Variants in PTPRK observed in about 807,000 individuals in gnomAD.
PTPRK encodes the protein receptor-type tyrosine-protein phosphatase kappa.
PTPRK carries 75 observed loss-of-function variants against 178.0 expected under a neutral mutation model. That is an observed-to-expected ratio of 0.42 (90% CI 0.35 to 0.51). The LOEUF is 0.51. PTPRK is among the 20% of genes least tolerant of loss of function. The pLI, the probability that PTPRK is intolerant of heterozygous loss-of-function variation, is 0.02. For missense variants in PTPRK, 1,441 were observed against 1,797.8 expected (o/e 0.80, Z 3.59); for synonymous variants, 637 against 620.6 (o/e 1.03, Z -0.39).
intron 1 of PTPRK, among the ~76,000 whole-genome samples, chr6:128,455,583 C>T (rs1848290823): frequency 6.6e-6 from 1 of 152,112 alleles, no homozygotes; most frequent in Non-Finnish European, 1.5e-5. Context: ...ATTCAAATCC[C>T]AACTCCTCCA....
At chr6:128,211,092 T>C (rs1490265221) in intron 6 of PTPRK, among the ~76,000 whole-genome samples, 1 of 152,080 alleles carries the variant, frequency 6.6e-6, no homozygotes, top group Non-Finnish European at 1.5e-5. Flanking sequence ...ATATACCTTG[T>C]AAGAGATGAG....
intron 7 of PTPRK, among the ~76,000 whole-genome samples, chr6:128,166,566 AAAT>A (rs1448319762): frequency 6.6e-5 from 10 of 151,744 alleles, no homozygotes; most frequent in Non-Finnish European, 1.2e-4. Context: ...GCTATATTAT[AAAT>A]AATAAATACT....
chr6:127,978,504 G>A (rs745922722), intron 25 of PTPRK, among the ~76,000 whole-genome samples: 1 of 152,154 alleles, frequency 6.6e-6, no homozygotes, highest in Non-Finnish European at 1.5e-5. Flanking sequence ...CCCCAGCCCT[G>A]TGGAACTGTG....
chr6:128,094,580 T>G (rs1787591066), intron 7 of PTPRK, among the ~76,000 whole-genome samples: 1 of 152,182 alleles, frequency 6.6e-6, no homozygotes, highest in Non-Finnish European at 1.5e-5. Flanking sequence ...ATCCAATAAT[T>G]TCTTACTGCT....
chr6:128,023,325 G>A (rs1007688214), intron 13 of PTPRK, among the ~76,000 whole-genome samples: 16 of 152,014 alleles, frequency 1.1e-4, no homozygotes, highest in Admixed American at 5.2e-4. Context: ...CATTTTCTAC[G>A]CATAAATCAC....
intron 15 of PTPRK, chr6:128,000,300 T>A: frequency 7.7e-7 from 1 of 1,303,426 alleles, no homozygotes; most frequent in Non-Finnish European, 1.0e-6. Flanking sequence ...AAAAAATGAA[T>A]TGTTGTCCCC....
In PTPRK at chr6:128,482,136, T is replaced by C. The variant is rs565319035; in HGVS notation, c.100+38123A>G. ...CCCCTAGCAGTTCAAACAAGAAAAT[T>C]GACTCTGCCGGCCCTAATGAGACCT... On this transcript the variant is annotated intron_variant, in intron 1 of 29. Coordinates refer to ENST00000368226, the MANE Select transcript of PTPRK (RefSeq NM_002844.4). Among the ~76,000 whole-genome samples the C allele has an allele frequency of 3.3e-5, 5 of 152,260 alleles. 1 individual carries two copies. The South Asian group carries it at 1.0e-3, about 32-fold the overall frequency.
intron 13 of PTPRK, among the ~76,000 whole-genome samples, chr6:128,013,833 T>C (rs79697658): frequency 0.018 from 2,670 of 151,624 alleles, 96 homozygotes; most frequent in African/African-American, 0.061. Context: ...CAGCCACCTA[T>C]GTTAAATCTC....
intron 7 of PTPRK, among the ~76,000 whole-genome samples, chr6:128,174,600 C>G (rs944118585): frequency 4.0e-5 from 6 of 151,766 alleles, no homozygotes; most frequent in African/African-American, 1.5e-4. Flanking sequence ...AAAATTCCTG[C>G]AAATTTAATA....
intron 13 of PTPRK, among the ~76,000 whole-genome samples, chr6:128,018,302 A>C (rs1276822844): frequency 6.6e-6 from 1 of 152,124 alleles, no homozygotes; most frequent in African/African-American, 2.4e-5. Context: ...GCATTTATCA[A>C]CTATAATATA....
intron 2 of PTPRK, among the ~76,000 whole-genome samples, chr6:128,390,846 T>C (rs1459510876): frequency 2.0e-5 from 3 of 152,190 alleles, no homozygotes; most frequent in Non-Finnish European, 4.4e-5. Context: ...TAAAACTCAG[T>C]AAGTGACCAG....
At chr6:128,460,902 C>T (rs1197084009) in intron 1 of PTPRK, among the ~76,000 whole-genome samples, 1 of 151,828 alleles carries the variant, frequency 6.6e-6, no homozygotes, top group Non-Finnish European at 1.5e-5. Flanking sequence ...TAAAATTAGC[C>T]ATGTCAAAAT....
At chr6:128,446,789 GCAAATAAAACTAAGGAAAA>G (rs1847089450) in intron 1 of PTPRK, among the ~76,000 whole-genome samples, 1 of 152,110 alleles carries the variant, frequency 6.6e-6, no homozygotes, top group African/African-American at 2.4e-5. Flanking sequence ...GCTCCAGCTT[GCAAATAAAACTAAGGAAAA>G]CAGTAGGGGA....
At chr6:128,113,358 T>G (rs980237380) in intron 7 of PTPRK, among the ~76,000 whole-genome samples, 4 of 149,980 alleles carry the variant, frequency 2.7e-5, no homozygotes, top group Non-Finnish European at 5.9e-5. Context: ...TAAGCATGTA[T>G]TATAAATTAC....
chr6:128,442,311 C>CT (rs1846382334), intron 1 of PTPRK, among the ~76,000 whole-genome samples: 1 of 152,168 alleles, frequency 6.6e-6, no homozygotes, highest in East Asian at 1.9e-4. Context: ...GCAGCTCCCT[C>CT]TTTCATCATT....
intron 1 of PTPRK, among the ~76,000 whole-genome samples, chr6:128,405,951 A>C (rs1279615777): frequency 6.6e-6 from 1 of 152,150 alleles, no homozygotes; most frequent in Non-Finnish European, 1.5e-5. Context: ...CTTCAAGAAA[A>C]TAGATAACCA....
Position 128,299,390 on chromosome 6 carries a change from T to C in PTPRK, c.495+22649A>G, listed in dbSNP as rs180818540. On this transcript the variant is annotated intron_variant, in intron 3 of 29. Transcript: ENST00000368226. ...AAACTACTTTAAAGTTCATATGGAA[T>C]CAAAAAAGAGCCCGCACTGCCAAGT... Among the ~76,000 whole-genome samples the C allele has an allele frequency of 1.1e-3, 167 of 151,376 alleles. No homozygotes were observed. In the East Asian group the frequency reaches 0.023, roughly 21 times the overall value.
At chr6:128,208,735 T>C (rs1226969211) in intron 6 of PTPRK, among the ~76,000 whole-genome samples, 2 of 152,102 alleles carry the variant, frequency 1.3e-5, no homozygotes. Context: ...GAAATACAAA[T>C]AATTTCTATG....
chr6:128,478,194 G>A (rs1851613321), intron 1 of PTPRK, among the ~76,000 whole-genome samples: 1 of 152,082 alleles, frequency 6.6e-6, no homozygotes, highest in African/African-American at 2.4e-5. Flanking sequence ...ATGTGATTTT[G>A]CTTATGGCTC....
Sources: gnomAD v4.1 joint callset for allele counts (sites outside exome capture counted in the v4.1 genomes callset) on GRCh38, gnomAD v4.1.1 for gene constraint, MANE v1.5 for transcripts, NCBI Gene and HGNC (gene_info 2026-07-23, HGNC 2026-07-21) for gene names.